The following EFCAB14 variants were observed in gnomAD, a reference collection of about 807,000 sequenced individuals.
EFCAB14 encodes the protein EF-hand calcium-binding domain-containing protein 14.
In EFCAB14, 43 loss-of-function variants were observed where a neutral mutation model predicts 56.5. The observed-to-expected ratio is 0.76, with a 90% CI of 0.60 to 0.98. The LOEUF (loss-of-function observed/expected upper bound fraction) is 0.98, where lower values mean the gene tolerates loss of function less well. EFCAB14 is among the 50% of genes least tolerant of loss of function. EFCAB14 has a pLI of 0.00. For synonymous variants in EFCAB14, 235 were observed against 212.9 expected (o/e 1.10, Z -0.90); for missense variants, 538 against 580.3 (o/e 0.93, Z 0.75).
At chr1:46,696,676 G>C in intron 3 of EFCAB14, 27 bp from the exon 4 acceptor site, 2 of 1,601,904 alleles carry the variant, frequency 1.2e-6, no homozygotes, top group Non-Finnish European at 1.7e-6. Flanking sequence ...AACAAACAAT[G>C]AAAACAAATG....
At chr1:46,716,178 G>A (rs898927743) in intron 2 of EFCAB14, 117 bp downstream of exon 2, 6 of 1,100,938 alleles carry the variant, frequency 5.4e-6, no homozygotes, top group African/African-American at 1.6e-5. Context: ...GAACCTGGGT[G>A]GCGGATGTTG....
Position 46,689,583 on chromosome 1 carries a change from G to C in EFCAB14, c.795+4C>G. On this transcript the variant is annotated splice_donor_region_variant and intron_variant, in intron 6 of 10. Transcript: ENST00000371933. ...CAGGGAGTTAAGCCAGAGATAAAAAGCACCTGTTTCAAATTCTCACTGTGG... is the reference window on the plus strand; with the variant it reads ...CAGGGAGTTAAGCCAGAGATAAAAACCACCTGTTTCAAATTCTCACTGTGG... 1 of 1,613,556 alleles carries C rather than the reference G, an allele frequency of 6.2e-7. No homozygotes were observed. The highest frequency in any genetic ancestry group is 8.5e-7 in the Non-Finnish European group (1 of 1,179,552).
At position 46,683,390 on chromosome 1, in the gene EFCAB14, A is replaced by G. The variant is rs368772658; in HGVS notation, c.1222T>C (p.Leu408=). 9.9e-6 allele frequency: 16 copies of G among 1,614,060 alleles called. No individual in the cohort carries two copies. The highest frequency in any genetic ancestry group is 1.7e-4 in the Middle Eastern group (1 of 6,058). ...VESFTSKPSA[L]PKFSQFLGDP... ...CCAAGAAACTGTGAAAATTTTGGCA[A>G]TGCTGATGGCTTTGATGTGAAACTC... is the stretch of plus-strand genomic sequence containing the variant. Residue 408 remains leucine (L), a synonymous_variant, in exon 10 of 11, where the codon TTG becomes CTG. Coordinates refer to ENST00000371933, the MANE Select transcript of EFCAB14 (RefSeq NM_014774.3).
chr1:46,715,373 AC>A (rs1158853453), intron 2 of EFCAB14, among the ~76,000 whole-genome samples: 2 of 152,210 alleles, frequency 1.3e-5, no homozygotes, highest in Non-Finnish European at 2.9e-5. Context: ...TGAACAAATT[AC>A]TTAATCCTTC....
At chr1:46,688,282 A>G (rs1397504690) in intron 7 of EFCAB14, 71 bp downstream of exon 7, 1 of 1,458,376 alleles carries the variant, frequency 6.9e-7, no homozygotes, top group African/African-American at 1.4e-5. Flanking sequence ...GCTGTTCTCA[A>G]AAGGTGGTAG....
rs762896938 is a variant in EFCAB14, at chr1:46,678,641, C to A, written c.1313-5G>T. ...TGCGGAATAAATCCTGAAGATCTGT[C>A]AAAAATGAATTACAAAAAATGTATA... On this transcript the variant is annotated splice_region_variant and splice_polypyrimidine_tract_variant and intron_variant, in intron 10 of 10. Coordinates refer to ENST00000371933, the MANE Select transcript of EFCAB14 (RefSeq NM_014774.3). 7 of 1,598,442 alleles carry A rather than the reference C, an allele frequency of 4.4e-6. No individual in the cohort carries two copies. In the East Asian group the frequency reaches 1.1e-4, roughly 26 times the overall value.
At chr1:46,700,986 A>AGTGTGT (rs3991763) in intron 3 of EFCAB14, among the ~76,000 whole-genome samples, 20,404 of 142,514 alleles carry the variant, frequency 0.14, 1,496 homozygotes, top group South Asian at 0.16. Context: ...AGAGTGAGTG[A>AGTGTGT]GTGTGTGTGT....
rs971603824 is a variant in EFCAB14, at chr1:46,676,495, A to G, written c.*1966T>C. 4 of 152,664 alleles carry G rather than the reference A, an allele frequency of 2.6e-5. No individual in the cohort carries two copies. The highest frequency in any genetic ancestry group is 9.6e-5 in the African/African-American group (4 of 41,454). The allele number at this position is 152,664 out of a possible 1,614,324, so 9.5% of individuals were successfully genotyped here. A position where few individuals can be genotyped will look rare whatever the true frequency, so the allele number is the denominator to read the frequency against. ...CCCTCAAGTATATTTCATATAAATC[A>G]GTTCTCAAAAAAATACCTTCCAGGT... On this transcript the variant is annotated 3_prime_UTR_variant, in exon 11 of 11. Coordinates refer to ENST00000371933, the MANE Select transcript of EFCAB14 (RefSeq NM_014774.3).
At chr1:46,688,295 T>G (rs2148841051) in intron 7 of EFCAB14, 58 bp downstream of exon 7, 1 of 1,523,426 alleles carries the variant, frequency 6.6e-7, no homozygotes, top group East Asian at 2.3e-5. Flanking sequence ...GGTGGTAGAA[T>G]GTTATCCATG....
chr1:46,681,146 T>G (rs772695152), intron 10 of EFCAB14, among the ~76,000 whole-genome samples: 2 of 151,898 alleles, frequency 1.3e-5, no homozygotes, highest in African/African-American at 4.8e-5. Context: ...TTTTGTAGAG[T>G]TGGGATTTCA....
chr1:46,681,223 T>C (rs922129230), intron 10 of EFCAB14, among the ~76,000 whole-genome samples: 5 of 152,204 alleles, frequency 3.3e-5, no homozygotes, highest in Non-Finnish European at 5.9e-5. Flanking sequence ...CCTCCCAAAA[T>C]GCTGGGATTA....
At chr1:46,680,866 T>C (rs1209902233) in intron 10 of EFCAB14, among the ~76,000 whole-genome samples, 2 of 152,208 alleles carry the variant, frequency 1.3e-5, no homozygotes, top group East Asian at 1.9e-4. Context: ...TTTATTTCAA[T>C]GGCAATATTG....
intron 1 of EFCAB14, among the ~76,000 whole-genome samples, chr1:46,717,568 ACT>A (rs1186491286): frequency 2.0e-5 from 3 of 152,166 alleles, no homozygotes; most frequent in African/African-American, 7.2e-5. Context: ...TTTGTTCTAC[ACT>A]GTTTTAAAAA....
intron 8 of EFCAB14, 50 bp from the exon 9 acceptor site, chr1:46,684,652 T>A (rs770054838): frequency 1.4e-6 from 2 of 1,452,218 alleles, no homozygotes; most frequent in South Asian, 2.3e-5. Flanking sequence ...TAAGACTTCA[T>A]CTAAGTGTCC....
At chr1:46,678,771 G>A (rs1676738139) in intron 10 of EFCAB14, 135 bp from the exon 11 acceptor site, 1 of 608,502 alleles carries the variant, frequency 1.6e-6, no homozygotes, top group African/African-American at 2.0e-5. Context: ...GTAAAGTTTA[G>A]GATTTCACTA....
In EFCAB14 at chr1:46,683,335, C is replaced by T. The variant is rs75241822; in HGVS notation, c.1277G>A (p.Arg426Lys). ...GDPVEKAAQL[R>K]PISLPGVSST... Reference sequence around the variant, plus strand: ...AGAAACTCCTGGTAGGGAGATAGGTCTTAGTTGGGCAGCTTTCTCAACTGG... The same window carrying T: ...AGAAACTCCTGGTAGGGAGATAGGTTTTAGTTGGGCAGCTTTCTCAACTGG... Residue 426 changes from arginine (R) to lysine (K), a missense_variant, in exon 10 of 11, where the codon AGA becomes AAA. By Grantham distance (26) the Arg-to-Lys change is conservative. Transcript: ENST00000371933. 4 of 1,613,864 alleles carry T rather than the reference C, an allele frequency of 2.5e-6. No homozygotes were observed. In the African/African-American group the frequency reaches 5.3e-5, roughly 22 times the overall value.
chr1:46,693,096 C>A (rs979657012), intron 4 of EFCAB14, among the ~76,000 whole-genome samples: 3 of 152,118 alleles, frequency 2.0e-5, no homozygotes, highest in African/African-American at 7.2e-5. Context: ...AAAGTAGAAT[C>A]CTGTCAGCAA....
At position 46,675,789 on chromosome 1, in the gene EFCAB14, A is replaced by ATG. The variant is rs1481085058; in HGVS notation, c.*2670_*2671dup. ...CTCTTCTTTTGGTTCTTCTTTTTAT[A>ATG]TGCTACCTTTTTGCCTCTCTGATTT... On this transcript the variant is annotated 3_prime_UTR_variant, in exon 11 of 11. Transcript: ENST00000371933. The ATG allele has an allele frequency of 6.6e-6, 1 of 152,156 alleles. No individual in the cohort carries two copies. The highest frequency in any genetic ancestry group is 6.5e-5 in the Admixed American group (1 of 15,274). 9.4% of individuals were successfully genotyped at this position (152,156 alleles called of 1,614,324 possible). A position where few individuals can be genotyped will look rare whatever the true frequency, so the allele number is the denominator to read the frequency against.
chr1:46,701,080 T>C (rs906995058), intron 3 of EFCAB14, among the ~76,000 whole-genome samples: 5 of 152,012 alleles, frequency 3.3e-5, no homozygotes, highest in Non-Finnish European at 5.9e-5. Context: ...ATGTGTTTTA[T>C]AGTTTAAACC....
Sources: gnomAD v4.1 joint callset for allele counts (sites outside exome capture counted in the v4.1 genomes callset) on GRCh38, gnomAD v4.1.1 for gene constraint, MANE v1.5 for transcripts, NCBI Gene and HGNC (gene_info 2026-07-23, HGNC 2026-07-21) for gene names.